The following SRGAP3 variants were observed in gnomAD, a reference collection of about 807,000 sequenced individuals.
The protein encoded by SRGAP3 is SLIT-ROBO Rho GTPase activating protein 3, also known as SLIT-ROBO Rho GTPase-activating protein 3.
In SRGAP3, 39 loss-of-function variants were observed where a neutral mutation model predicts 121.1. The ratio of observed to expected loss-of-function variants is 0.32; its 90% CI spans 0.25 to 0.42. The LOEUF (loss-of-function observed/expected upper bound fraction) is 0.42, where lower values mean the gene tolerates loss of function less well. SRGAP3 is among the 10% of genes least tolerant of loss of function. The pLI, the probability that SRGAP3 is intolerant of heterozygous loss-of-function variation, is 1.00. For synonymous variants in SRGAP3, 601 were observed against 570.0 expected (o/e 1.05, Z -0.77); for missense variants, 1,213 against 1,470.6 (o/e 0.82, Z 2.86).
At position 9,140,024 on chromosome 3, in the gene SRGAP3, C is replaced by T. The variant is rs1046230231; in HGVS notation, c.68-15107G>A. Among the ~76,000 whole-genome samples, 21 of 152,132 alleles carry T rather than the reference C, an allele frequency of 1.4e-4. 1 individual carries two copies. The highest frequency in any genetic ancestry group is 4.8e-4 in the African/African-American group (20 of 41,410). On this transcript the variant is annotated intron_variant, in intron 1 of 21. Transcript: ENST00000383836. ...ACATATGCAACAGCATACTTTCCCT[C>T]AAGGAAATCCCAATGTAGTGCAATG...
rs1007956873 is a variant in SRGAP3 at position 9,047,302 on chromosome 3, A to G, written c.1408+89T>C. The stretch of plus-strand genomic sequence containing the variant: ...ATTCTGCCAGGTGCCTGCTGTCTCA[A>G]GCCTGAACAGCTCAACACGTCAGGG... On this transcript the variant is annotated intron_variant, in intron 10 of 21. Transcript: ENST00000383836. 3.6e-5 allele frequency: 50 copies of G among 1,381,360 alleles called. 1 individual carries two copies. The South Asian group carries it at 4.2e-4, about 12-fold the overall frequency. 85.6% of individuals were successfully genotyped at this position (1,381,360 alleles called of 1,614,324 possible). A position where few individuals can be genotyped will look rare whatever the true frequency, so the allele number is the denominator to read the frequency against.
rs545832337 is a variant in SRGAP3, at chr3:9,265,679, C to T, written n.442+60331G>A. Among the ~76,000 whole-genome samples the T allele has an allele frequency of 5.3e-5, 8 of 152,132 alleles. No individual in the cohort carries two copies. The South Asian group carries it at 1.7e-3, about 32-fold the overall frequency. ...AATCAAAACCACAATGAGATACCATCTCACACCAGTTAGAATGGGGATCAT... is the reference window on the plus strand; with the variant it reads ...AATCAAAACCACAATGAGATACCATTTCACACCAGTTAGAATGGGGATCAT... On this transcript the variant is annotated intron_variant and non_coding_transcript_variant, in intron 3 of 3. Coordinates refer to the SRGAP3 transcript ENST00000490889.
intron 1 of SRGAP3, among the ~76,000 whole-genome samples, chr3:9,178,186 T>G (rs1951247590): frequency 6.6e-6 from 1 of 152,098 alleles, no homozygotes; most frequent in Admixed American, 6.6e-5. Context: ...GAGGATCACT[T>G]GAGCCTGGGA....
At chr3:9,264,025 A>G (rs573607388) in intron 3 of SRGAP3, among the ~76,000 whole-genome samples, 25 of 152,340 alleles carry the variant, frequency 1.6e-4, no homozygotes, top group African/African-American at 5.5e-4. Flanking sequence ...ATCCACCACA[A>G]TCAAGATGGC....
At chr3:9,328,844 C>A (rs887987926) in intron 2 of SRGAP3, among the ~76,000 whole-genome samples, 2 of 152,184 alleles carry the variant, frequency 1.3e-5, no homozygotes, top group Non-Finnish European at 1.5e-5. Flanking sequence ...TTTGAACTTG[C>A]AAAGGCTTTT....
chr3:9,352,261 T>C (rs12107067), intron 1 of SRGAP3, among the ~76,000 whole-genome samples: 1,935 of 150,582 alleles, frequency 0.013, 55 homozygotes, highest in African/African-American at 0.045. Context: ...CCTCCACAGA[T>C]GTTATGGACA....
chr3:9,286,976 C>T (rs1298259253), intron 3 of SRGAP3, among the ~76,000 whole-genome samples: 1 of 145,954 alleles, frequency 6.9e-6, no homozygotes, highest in Non-Finnish European at 1.5e-5. Flanking sequence ...CTTGTCCACA[C>T]ACTGACACTC....
rs772106298 is a variant in SRGAP3 at position 9,249,155 on chromosome 3, T to C, written c.-204A>G. The C allele has an allele frequency of 4.0e-5, 25 of 631,346 alleles. No homozygotes were observed. Among genetic ancestry groups the C allele is most frequent in the Non-Finnish European group, 6.2e-5 (22 of 354,390 alleles). 39.1% of individuals were successfully genotyped at this position (631,346 alleles called of 1,614,324 possible). A position where few individuals can be genotyped will look rare whatever the true frequency, so the allele number is the denominator to read the frequency against. ...ATCTCTTTACTTGCCGAGAAATGGC[T>C]CTAGTAGCTTGCCCTGGTCAGCTCC... On this transcript the variant is annotated 5_prime_UTR_variant, in exon 1 of 22. Transcript: ENST00000383836.
At chr3:9,246,053 T>C (rs9825800) in intron 1 of SRGAP3, among the ~76,000 whole-genome samples, 86,281 of 152,104 alleles carry the variant, frequency 0.57, 25,290 homozygotes, top group Non-Finnish European at 0.62. Flanking sequence ...TGCTTCATAA[T>C]CAAAAGGCTT....
chr3:9,282,053 C>T (rs1954689886), intron 3 of SRGAP3, among the ~76,000 whole-genome samples: 1 of 152,212 alleles, frequency 6.6e-6, no homozygotes, highest in Non-Finnish European at 1.5e-5. Context: ...CATAATCCTA[C>T]CTCTTTCCAA....
intron 1 of SRGAP3, among the ~76,000 whole-genome samples, chr3:9,333,563 C>T (rs1214029076): frequency 2.6e-5 from 4 of 152,260 alleles, no homozygotes; most frequent in African/African-American, 9.6e-5. Flanking sequence ...CATAACAGTC[C>T]TGCATTTCTC....
chr3:9,179,017 T>C (rs1575194582), intron 1 of SRGAP3, among the ~76,000 whole-genome samples: 1 of 152,270 alleles, frequency 6.6e-6, no homozygotes, highest in East Asian at 1.9e-4. Flanking sequence ...CCCCTGTTCA[T>C]ACCAGCCTCT....
chr3:9,301,747 T>G (rs1335678322), intron 3 of SRGAP3, among the ~76,000 whole-genome samples: 3 of 152,250 alleles, frequency 2.0e-5, no homozygotes, highest in Non-Finnish European at 4.4e-5. Flanking sequence ...GACGCACTTC[T>G]GTCATTAACT....
At chr3:9,197,687 T>G (rs1463023129) in intron 1 of SRGAP3, among the ~76,000 whole-genome samples, 2 of 152,248 alleles carry the variant, frequency 1.3e-5, no homozygotes, top group Non-Finnish European at 2.9e-5. Context: ...TCCCAGATCA[T>G]GCATCTCAGA....
chr3:9,291,420 C>T (rs1954866860), intron 3 of SRGAP3, among the ~76,000 whole-genome samples: 1 of 152,148 alleles, frequency 6.6e-6, no homozygotes, highest in Admixed American at 6.5e-5. Context: ...TACAGGATTT[C>T]GTTATACTGA....
chr3:9,361,576 C>T (rs543030437), intron 1 of SRGAP3, among the ~76,000 whole-genome samples: 3 of 152,114 alleles, frequency 2.0e-5, no homozygotes, highest in Non-Finnish European at 2.9e-5. Context: ...GCCAAGGAGA[C>T]CCTAGAAAAA....
chr3:9,126,620 A>G, intron 1 of SRGAP3, among the ~76,000 whole-genome samples: 1 of 61,372 alleles, frequency 1.6e-5, no homozygotes, highest in Non-Finnish European at 3.7e-5. Context: ...TGTCTCAAAA[A>G]CTAACTAACT....
intron 4 of SRGAP3, among the ~76,000 whole-genome samples, chr3:9,074,276 T>C (rs911926663): frequency 7.9e-5 from 12 of 152,250 alleles, no homozygotes; most frequent in African/African-American, 2.9e-4. Flanking sequence ...AAAGACACAA[T>C]GACTCAGGAC....
intron 3 of SRGAP3, among the ~76,000 whole-genome samples, chr3:9,278,246 G>T (rs1202964453): frequency 6.6e-6 from 1 of 152,164 alleles, no homozygotes; most frequent in Non-Finnish European, 1.5e-5. Flanking sequence ...ATTGTGTCAG[G>T]CCTCCTCCAA....
Sources: gnomAD v4.1 joint callset for allele counts (sites outside exome capture counted in the v4.1 genomes callset) on GRCh38, gnomAD v4.1.1 for gene constraint, MANE v1.5 for transcripts, NCBI Gene and HGNC (gene_info 2026-07-23, HGNC 2026-07-21) for gene names.